Variants in ZNF652 observed in about 807,000 individuals in gnomAD.
ZNF652 encodes zinc finger protein 652.
In ZNF652, 16 loss-of-function variants were observed where a neutral mutation model predicts 45.2. The observed-to-expected ratio is 0.35, with a 90% CI of 0.24 to 0.54. The LOEUF is 0.54. ZNF652 is among the 20% of genes least tolerant of loss of function. The pLI is 0.91. For synonymous variants in ZNF652, 250 were observed against 260.6 expected (o/e 0.96, Z 0.39); for missense variants, 614 against 765.6 (o/e 0.80, Z 2.34).
At chr17:49,352,076 G>A (rs1278699245) in intron 1 of ZNF652, among the ~76,000 whole-genome samples, 1 of 152,110 alleles carries the variant, frequency 6.6e-6, no homozygotes, top group African/African-American at 2.4e-5. Flanking sequence ...TGCAATATTA[G>A]CTATATAATT....
At chr17:49,311,061 AAAG>A (rs1470541657) in intron 5 of ZNF652, among the ~76,000 whole-genome samples, 2 of 152,222 alleles carry the variant, frequency 1.3e-5, no homozygotes. Context: ...AACCCCACGT[AAAG>A]ACCCCATTGT....
At chr17:49,339,578 C>A (rs111580450) in intron 1 of ZNF652, among the ~76,000 whole-genome samples, 1 of 152,076 alleles carries the variant, frequency 6.6e-6, no homozygotes, top group Admixed American at 6.6e-5. Context: ...GGGCAGACAG[C>A]GACCCTCATT....
intron 1 of ZNF652, among the ~76,000 whole-genome samples, chr17:49,336,190 A>G (rs1282665117): frequency 6.6e-6 from 1 of 151,366 alleles, no homozygotes; most frequent in Non-Finnish European, 1.5e-5. Context: ...ATGCCCAGTT[A>G]ATTTTTGTAT....
At chr17:49,322,701 T>C (rs2069908913) in intron 1 of ZNF652, among the ~76,000 whole-genome samples, 1 of 152,066 alleles carries the variant, frequency 6.6e-6, no homozygotes, top group African/African-American at 2.4e-5. Context: ...CTGGCTAACA[T>C]GGTGAAACCC....
Position 49,355,250 on chromosome 17 carries a change from C to T in ZNF652, c.-259+6659G>A, listed in dbSNP as rs7208485. Reference sequence around the variant, plus strand: ...TAAAAAACTTTTAATAATTAATTCACGAGGGATTGTGATTTCAATATTATG... The same window carrying T: ...TAAAAAACTTTTAATAATTAATTCATGAGGGATTGTGATTTCAATATTATG... On this transcript the variant is annotated intron_variant, in intron 1 of 5. Coordinates refer to ENST00000430262, the MANE Select transcript of ZNF652 (RefSeq NM_001145365.3). Among the ~76,000 whole-genome samples, 6 of 152,076 alleles carry T rather than the reference C, an allele frequency of 3.9e-5. No individual in the cohort carries two copies. The South Asian group carries it at 1.3e-3, about 32-fold the overall frequency.
intron 1 of ZNF652, among the ~76,000 whole-genome samples, chr17:49,358,087 G>A (rs62076447): frequency 0.11 from 16,587 of 152,182 alleles, 980 homozygotes; most frequent in Middle Eastern, 0.16. Flanking sequence ...GAACTGCTAG[G>A]AGTTTACATA....
At position 49,317,493 on chromosome 17, in the gene ZNF652, T is replaced by C. The variant is rs758536700; in HGVS notation, c.233A>G (p.Gln78Arg). Residue 78 changes from glutamine to arginine, a missense_variant, in exon 2 of 6, where the codon CAG (glutamine) becomes CGG (arginine). Around this residue, in one of 5 missense-constraint regions of ZNF652, gnomAD observed 133 missense variants for 132.2 expected, o/e 1.01. Coordinates refer to ENST00000430262, the MANE Select transcript of ZNF652 (RefSeq NM_001145365.3). ...TGCTCTTGTCTCCCTGAAATATGGC[T>C]GTTCTTCTGTTTCATGGAGATGCGG... The part of the protein sequence containing the change: ...SKPHLHETEE[Q>R]PYFRETRAVS... 6.2e-6 allele frequency: 10 copies of C among 1,614,192 alleles called. No individual in the cohort carries two copies. The Admixed American group carries it at 6.7e-5, about 11-fold the overall frequency.
intron 1 of ZNF652, among the ~76,000 whole-genome samples, chr17:49,345,828 G>A (rs1403060337): frequency 7.2e-5 from 10 of 138,184 alleles, no homozygotes; most frequent in Admixed American, 1.5e-4. Flanking sequence ...GCGAAAGAGC[G>A]AGACTCCATC....
rs988337929 is a variant in ZNF652, at chr17:49,352,199, T to C, written c.-259+9710A>G. 2.6e-5 allele frequency among the ~76,000 whole-genome samples: 4 copies of C among 152,206 alleles called. No individual in the cohort carries two copies. In the East Asian group the frequency reaches 7.7e-4, roughly 29 times the overall value. On this transcript the variant is annotated intron_variant, in intron 1 of 5. Coordinates refer to ENST00000430262, the MANE Select transcript of ZNF652 (RefSeq NM_001145365.3). Reference sequence around the variant, plus strand: ...AAATTCCATTTGTAAATATATATACTACTAATAGTGTTTGTACTTTAGTTG... The same window carrying C: ...AAATTCCATTTGTAAATATATATACCACTAATAGTGTTTGTACTTTAGTTG...
chr17:49,329,419 C>T (rs2069999796), intron 1 of ZNF652, among the ~76,000 whole-genome samples: 1 of 152,074 alleles, frequency 6.6e-6, no homozygotes, highest in South Asian at 2.1e-4. Flanking sequence ...CAATATCGAC[C>T]TGTAAATAGA....
chr17:49,288,309 C>G (rs1353716672), downstream of ZNF652: 1 of 152,054 alleles, frequency 6.6e-6, no homozygotes, highest in African/African-American at 2.4e-5. Context: ...ACATCTACAT[C>G]TAGTTAGAGA....
chr17:49,298,519 G>A lies in ZNF652; in HGVS notation c.1715C>T (p.Pro572Leu), dbSNP rs761290086. Residue 572 changes from proline (P) to leucine (L), a missense_variant, in exon 6 of 6, where the codon CCA becomes CTA. Coordinates refer to ENST00000430262, the MANE Select transcript of ZNF652 (RefSeq NM_001145365.3). The stretch of plus-strand genomic sequence containing the variant: ...CTCACTCTTAAAGAGAGCTGGAGGT[G>A]GCGGGAGGTGAGGGACTGGAGGGAT... ...LPIPPVPHLP[P>L]PPALFKSEPL... 2 of 1,612,878 alleles carry A rather than the reference G, an allele frequency of 1.2e-6. No individual in the cohort carries two copies. Among genetic ancestry groups the A allele is most frequent in the Non-Finnish European group, 1.7e-6 (2 of 1,179,768 alleles).
rs2069919373 is a variant in ZNF652 at position 49,323,350 on chromosome 17, C to T, written c.-258-5367G>A. ...GCAACTCAGTCACCTTCAGGCTCCA[C>T]TTCTAATTCTAGTTCTGTTGCTATT... On this transcript the variant is annotated intron_variant, in intron 1 of 5. Transcript: ENST00000430262. Among the ~76,000 whole-genome samples, 4 of 152,244 alleles carry T rather than the reference C, an allele frequency of 2.6e-5. No individual in the cohort carries two copies. The East Asian group carries it at 7.7e-4, about 29-fold the overall frequency.
rs1401886254 is a variant in ZNF652 at position 49,296,413 on chromosome 17, A to C, written c.*2000T>G. On this transcript the variant is annotated 3_prime_UTR_variant, in exon 6 of 6. Transcript: ENST00000430262. ...AAATATGGACTTAATCTCAATTGAA[A>C]GAGTTCATTTTTTCTTACCACAGAG... The C allele has an allele frequency of 6.6e-6, 1 of 152,666 alleles. No individual in the cohort carries two copies. The highest frequency in any genetic ancestry group is 1.9e-4 in the East Asian group (1 of 5,204). 9.5% of individuals were successfully genotyped at this position (152,666 alleles called of 1,614,324 possible).
intron 1 of ZNF652, among the ~76,000 whole-genome samples, chr17:49,329,632 ACT>A (rs1378010753): frequency 3.9e-5 from 6 of 152,234 alleles, no homozygotes; most frequent in African/African-American, 1.4e-4. Context: ...CATCTAATCC[ACT>A]CTCTGTAAGA....
intron 1 of ZNF652, among the ~76,000 whole-genome samples, chr17:49,327,870 G>A (rs1360331927): frequency 2.0e-5 from 3 of 147,896 alleles, no homozygotes; most frequent in African/African-American, 5.0e-5. Context: ...TGCCTGCCTC[G>A]GCCTCCCAAA....
chr17:49,301,254 T>A (rs1255187881), intron 5 of ZNF652, among the ~76,000 whole-genome samples: 2 of 152,216 alleles, frequency 1.3e-5, no homozygotes, highest in Admixed American at 1.3e-4. Context: ...ATTTTCTCCA[T>A]AACTATCAGT....
intron 1 of ZNF652, among the ~76,000 whole-genome samples, chr17:49,345,882 A>C (rs2070200478): frequency 6.6e-6 from 1 of 152,076 alleles, no homozygotes; most frequent in Non-Finnish European, 1.5e-5. Context: ...ACCCATTCAG[A>C]TTCAATGCCT....
intron 1 of ZNF652, among the ~76,000 whole-genome samples, chr17:49,321,422 C>CTTTTTTTTTTTTT (rs11350404): frequency 4.2e-4 from 31 of 73,248 alleles, no homozygotes; most frequent in East Asian, 8.1e-4. Flanking sequence ...CACCACCACG[C>CTTTTTTTTTTTTT]TTTTTTTTTT....
Sources: allele counts gnomAD v4.1 joint callset (sites outside exome capture counted in the v4.1 genomes callset), GRCh38; gene constraint gnomAD v4.1.1; regional missense constraint gnomAD v4.1.1; transcripts MANE v1.5; gene names NCBI Gene and HGNC (gene_info 2026-07-23, HGNC 2026-07-21).